Variants in EPS15 observed in about 807,000 individuals in gnomAD.
EPS15 encodes epidermal growth factor receptor pathway substrate 15, also known as epidermal growth factor receptor substrate 15.
Under a neutral mutation model 113.8 loss-of-function variants are expected in EPS15, and 72 were observed. The ratio of observed to expected loss-of-function variants is 0.63; its 90% CI spans 0.52 to 0.77. EPS15 has a LOEUF of 0.77. EPS15 is among the 30% of genes least tolerant of loss of function. EPS15 has a pLI of 0.00. For synonymous variants in EPS15, 344 were observed against 363.4 expected (o/e 0.95, Z 0.61); for missense variants, 1,048 against 1,045.8 (o/e 1.00, Z -0.03).
chr1:51,435,103 T>A (rs7545921), intron 12 of EPS15, among the ~76,000 whole-genome samples: 4,563 of 148,890 alleles, frequency 0.031, 75 homozygotes, highest in African/African-American at 0.051. Flanking sequence ...GCAGAATATT[T>A]AAAAAAAAAA....
At chr1:51,415,751 G>A (rs985543483) in intron 13 of EPS15, among the ~76,000 whole-genome samples, 9 of 118,432 alleles carry the variant, frequency 7.6e-5, no homozygotes, top group South Asian at 2.9e-4. Flanking sequence ...AGTCGAGATC[G>A]TGCCATTGCA....
At chr1:51,370,649 C>T (rs1242319474) in intron 21 of EPS15, among the ~76,000 whole-genome samples, 3 of 150,606 alleles carry the variant, frequency 2.0e-5, no homozygotes, top group Non-Finnish European at 4.4e-5. Context: ...AAGACAGAGT[C>T]TCACTCTGTA....
chr1:51,384,062 C>T (rs1400300578), intron 21 of EPS15, among the ~76,000 whole-genome samples: 1 of 152,062 alleles, frequency 6.6e-6, no homozygotes, highest in African/African-American at 2.4e-5. Flanking sequence ...ACAATACATT[C>T]TGAAAGAAAT....
chr1:51,387,543 A>T (rs2148394080), intron 21 of EPS15, among the ~76,000 whole-genome samples: 1 of 152,348 alleles, frequency 6.6e-6, no homozygotes, highest in East Asian at 1.9e-4. Flanking sequence ...TAAAGAGTCA[A>T]GACCCATTAG....
chr1:51,500,611 G>A (rs1213051086), intron 1 of EPS15, among the ~76,000 whole-genome samples: 1 of 152,056 alleles, frequency 6.6e-6, no homozygotes, highest in Non-Finnish European at 1.5e-5. Flanking sequence ...GACCTCCCAA[G>A]CTCAAGCAAT....
rs1653108037 is a variant in EPS15, at chr1:51,446,971, T to C, written c.786A>G (p.Leu262=). 1 of 1,611,352 alleles carries C rather than the reference T, an allele frequency of 6.2e-7. No individual in the cohort carries two copies. The highest frequency in any genetic ancestry group is 1.7e-5 in the Admixed American group (1 of 59,784). The part of the protein sequence containing the change: ...FLKTGLPSTL[L]AHIWSLCDTK... Reference sequence around the variant, plus strand: ...AAATAAAGTCTTACCATATATGGGCTAGTAAGGTAGAAGGTAAACCTGTTT... The same window carrying C: ...AAATAAAGTCTTACCATATATGGGCCAGTAAGGTAGAAGGTAAACCTGTTT... The change falls in exon 10 of 25, where the codon CTA becomes CTG. Residue 262 remains leucine (L), a synonymous_variant. Coordinates refer to ENST00000371733, the MANE Select transcript of EPS15 (RefSeq NM_001981.3).
chr1:51,374,912 A>G (rs564570736), intron 21 of EPS15, among the ~76,000 whole-genome samples: 5 of 151,428 alleles, frequency 3.3e-5, no homozygotes, highest in African/African-American at 1.2e-4. Context: ...GCTGGTCTCA[A>G]ACTCCTGTCT....
chr1:51,481,717 C>A (rs1480745992), intron 1 of EPS15, among the ~76,000 whole-genome samples: 2 of 152,192 alleles, frequency 1.3e-5, no homozygotes, highest in African/African-American at 4.8e-5. Context: ...TCAAAAACCA[C>A]TTCAATAAAA....
At chr1:51,515,492 A>C (rs1392546153) in intron 1 of EPS15, among the ~76,000 whole-genome samples, 1 of 152,150 alleles carries the variant, frequency 6.6e-6, no homozygotes, top group African/African-American at 2.4e-5. Context: ...AAAAAAAAAA[A>C]AAAATTCTTG....
At chr1:51,379,505 A>G (rs1166922958) in intron 21 of EPS15, among the ~76,000 whole-genome samples, 1 of 152,230 alleles carries the variant, frequency 6.6e-6, no homozygotes, top group Non-Finnish European at 1.5e-5. Flanking sequence ...CGAAAAAAAC[A>G]CTGTCAACTG....
chr1:51,454,825 T>C (rs1653855331), intron 8 of EPS15, among the ~76,000 whole-genome samples: 1 of 151,944 alleles, frequency 6.6e-6, no homozygotes, highest in Non-Finnish European at 1.5e-5. Flanking sequence ...AGATGTACCA[T>C]GGTAATGTAA....
At position 51,408,164 on chromosome 1, in the gene EPS15, G is replaced by C. The variant is rs201220417; in HGVS notation, c.1444C>G (p.Leu482Val). 2 of 1,613,990 alleles carry C rather than the reference G, an allele frequency of 1.2e-6. No individual in the cohort carries two copies. Among genetic ancestry groups the C allele is most frequent in the African/African-American group, 1.3e-5 (1 of 74,922 alleles). The change falls in exon 15 of 25, where the codon CTA becomes GTA. Residue 482 changes from leucine to valine, a missense_variant. Leu to Val is a conservative substitution (Grantham distance 32, BLOSUM62 1). Coordinates refer to ENST00000371733, the MANE Select transcript of EPS15 (RefSeq NM_001981.3). ...KAQLEPLQQH[L>V]QDSQQEISSM... is the part of the protein sequence containing the mutation. ...CTAATTTCCTGTTGTGAATCTTGTA[G>C]GTGCTGCTGAAGAGGTTCCAACTGA...
In EPS15 at chr1:51,374,059, G is replaced by T. The variant is rs577411952; in HGVS notation, c.2120-8030C>A. Among the ~76,000 whole-genome samples, 4 of 152,288 alleles carry T rather than the reference G, an allele frequency of 2.6e-5. No homozygotes were observed. In the East Asian group the frequency reaches 7.7e-4, roughly 29 times the overall value. On this transcript the variant is annotated intron_variant, in intron 21 of 24. Coordinates refer to ENST00000371733, the MANE Select transcript of EPS15 (RefSeq NM_001981.3). ...GAAAGCAGAGGCTAAGTAAATACAT[G>T]AACACATATACGTTTAGCCTGAGTC...
At chr1:51,396,804 T>TAAG (rs1470483886) in intron 20 of EPS15, among the ~76,000 whole-genome samples, 7 of 152,092 alleles carry the variant, frequency 4.6e-5, no homozygotes, top group Non-Finnish European at 1.0e-4. Context: ...AATTTCCAGA[T>TAAG]TGTATTGGTG....
intron 2 of EPS15, among the ~76,000 whole-genome samples, chr1:51,480,889 T>G (rs1644009007): frequency 6.6e-6 from 1 of 152,220 alleles, no homozygotes; most frequent in African/African-American, 2.4e-5. Flanking sequence ...GAATAAAATC[T>G]GATACATGCT....
intron 13 of EPS15, among the ~76,000 whole-genome samples, chr1:51,418,004 T>G (rs1014849579): frequency 6.6e-6 from 1 of 151,894 alleles, no homozygotes; most frequent in Non-Finnish European, 1.5e-5. Flanking sequence ...GCGAATGGAG[T>G]GAGTACTTCT....
rs376273722 is a variant in EPS15 at position 51,483,751 on chromosome 1, A to G, written c.34-2437T>C. 1.1e-3 allele frequency among the ~76,000 whole-genome samples: 162 copies of G among 151,724 alleles called. 1 individual carries two copies. The highest frequency in any genetic ancestry group is 3.9e-3 in the African/African-American group (160 of 41,350). ...AACCCGGGAGGTGGAGGTTGCAGTG[A>G]GCTGAAATCACGCCACTGCACTCCA... On this transcript the variant is annotated intron_variant, in intron 1 of 24. Transcript: ENST00000371733.
chr1:51,488,113 A>G (rs1201373821), intron 1 of EPS15, among the ~76,000 whole-genome samples: 7 of 152,186 alleles, frequency 4.6e-5, no homozygotes, highest in Non-Finnish European at 7.4e-5. Flanking sequence ...AACACATCCT[A>G]ATTATATAAT....
intron 24 of EPS15, 29 bp from the exon 25 acceptor site, chr1:51,356,875 G>A (rs368594036): frequency 4.0e-5 from 63 of 1,588,052 alleles, no homozygotes; most frequent in African/African-American, 1.6e-4. Flanking sequence ...ATGAACAAAC[G>A]AATAAATAAA....
Sources: allele counts gnomAD v4.1 joint callset (sites outside exome capture counted in the v4.1 genomes callset), GRCh38; gene constraint gnomAD v4.1.1; transcripts MANE v1.5; gene names NCBI Gene and HGNC (gene_info 2026-07-23, HGNC 2026-07-21).